Variants in ZNF385D observed in about 807,000 individuals in gnomAD.
ZNF385D encodes the protein zinc finger protein 385D.
A neutral mutation model predicts 35.8 loss-of-function variants in ZNF385D; 15 were observed. The observed-to-expected ratio is 0.42, with a 90% CI of 0.28 to 0.64. ZNF385D has a LOEUF of 0.64. ZNF385D is among the 30% of genes least tolerant of loss of function. The pLI is 0.23. For missense variants in ZNF385D, 474 were observed against 494.6 expected (o/e 0.96, Z 0.39); for synonymous variants, 212 against 186.8 (o/e 1.13, Z -1.10).
At chr3:21,982,823 T>C (rs1474559275) in intron 3 of ZNF385D, among the ~76,000 whole-genome samples, 1 of 151,656 alleles carries the variant, frequency 6.6e-6, no homozygotes, top group African/African-American at 2.4e-5. Context: ...AAAGCCTTTT[T>C]TTTTGCATCT....
intron 3 of ZNF385D, among the ~76,000 whole-genome samples, chr3:21,966,308 G>A (rs757189930): frequency 9.2e-5 from 14 of 152,116 alleles, no homozygotes; most frequent in Non-Finnish European, 1.8e-4. Flanking sequence ...AAACTGAACT[G>A]GTAGTAAATT....
intron 4 of ZNF385D, among the ~76,000 whole-genome samples, chr3:21,463,286 G>A (rs555089051): frequency 1.7e-4 from 26 of 152,148 alleles, no homozygotes; most frequent in African/African-American, 5.8e-4. Context: ...AAAAAAATAC[G>A]TTGAATATAT....
intron 3 of ZNF385D, among the ~76,000 whole-genome samples, chr3:21,859,653 C>T (rs886959727): frequency 4.9e-5 from 7 of 142,736 alleles, no homozygotes; most frequent in African/African-American, 1.8e-4. Context: ...AACATTATTG[C>T]TGGCTGTGAC....
intron 2 of ZNF385D, among the ~76,000 whole-genome samples, chr3:22,316,485 A>G (rs1575105701): frequency 6.6e-6 from 1 of 152,196 alleles, no homozygotes; most frequent in African/African-American, 2.4e-5. Context: ...GTTGAGACAA[A>G]AAAGGTAAAT....
chr3:22,028,650 T>C (rs1697717985), intron 3 of ZNF385D, among the ~76,000 whole-genome samples: 1 of 152,188 alleles, frequency 6.6e-6, no homozygotes, highest in South Asian at 2.1e-4. Context: ...AAGACTACCA[T>C]CTGTGGACTT....
chr3:22,236,768 G>C (rs890498583), intron 2 of ZNF385D, among the ~76,000 whole-genome samples: 1 of 152,084 alleles, frequency 6.6e-6, no homozygotes, highest in East Asian at 1.9e-4. Flanking sequence ...CTATAGATTG[G>C]TTTATGCTGG....
intron 2 of ZNF385D, among the ~76,000 whole-genome samples, chr3:22,275,854 G>A (rs551856477): frequency 3.9e-5 from 6 of 152,294 alleles, no homozygotes; most frequent in Non-Finnish European, 7.4e-5. Context: ...GGAGGCTGAG[G>A]CGGGTGGATA....
intron 1 of ZNF385D, among the ~76,000 whole-genome samples, chr3:21,701,204 G>C (rs1419911603): frequency 6.6e-6 from 1 of 152,192 alleles, no homozygotes; most frequent in African/African-American, 2.4e-5. Flanking sequence ...ATACCAGAAA[G>C]AGAGGTTTAA....
chr3:22,144,486 T>A (rs932477953), intron 3 of ZNF385D, among the ~76,000 whole-genome samples: 4 of 138,462 alleles, frequency 2.9e-5, no homozygotes, highest in African/African-American at 1.1e-4. Flanking sequence ...AGGCAGGAAA[T>A]TGCTTGAAGA....
At chr3:21,497,401 C>A (rs149341453) in intron 4 of ZNF385D, among the ~76,000 whole-genome samples, 1 of 151,980 alleles carries the variant, frequency 6.6e-6, no homozygotes, top group East Asian at 1.9e-4. Context: ...ATAGGTGAGA[C>A]AAACAAATGA....
At chr3:21,845,033 G>GA (rs1283404770) in intron 3 of ZNF385D, among the ~76,000 whole-genome samples, 2 of 150,114 alleles carry the variant, frequency 1.3e-5, no homozygotes, top group Non-Finnish European at 3.0e-5. Flanking sequence ...AGAAGAAAAA[G>GA]AAAAAAGAGA....
chr3:21,720,010 G>C (rs191970144), intron 1 of ZNF385D, among the ~76,000 whole-genome samples: 101 of 152,204 alleles, frequency 6.6e-4, no homozygotes, highest in Non-Finnish European at 1.2e-3. Flanking sequence ...AGTGGACCTA[G>C]AATAGTGGTT....
At chr3:21,664,671 C>T (rs749893134) in intron 2 of ZNF385D, among the ~76,000 whole-genome samples, 3 of 152,112 alleles carry the variant, frequency 2.0e-5, no homozygotes, top group Non-Finnish European at 4.4e-5. Flanking sequence ...CATGATCAAC[C>T]GAATCGGATC....
intron 3 of ZNF385D, among the ~76,000 whole-genome samples, chr3:22,010,025 C>G (rs259450): frequency 0.27 from 41,203 of 151,780 alleles, 6,582 homozygotes; most frequent in African/African-American, 0.44. Flanking sequence ...TAAACACAGT[C>G]ACTTCTGAAC....
intron 3 of ZNF385D, among the ~76,000 whole-genome samples, chr3:22,111,573 C>G (rs1702538873): frequency 6.6e-6 from 1 of 152,062 alleles, no homozygotes; most frequent in African/African-American, 2.4e-5. Context: ...TCCTAATTTA[C>G]CATCTTGGCA....
intron 7 of ZNF385D, 54 bp from the exon 8 acceptor site, chr3:21,421,501 T>A: frequency 2.2e-6 from 3 of 1,358,688 alleles, no homozygotes; most frequent in Non-Finnish European, 3.1e-6. Context: ...AATTTGTACT[T>A]AAAACCCAAA....
At chr3:21,686,154 A>G (rs1188807781) in intron 1 of ZNF385D, among the ~76,000 whole-genome samples, 2 of 152,176 alleles carry the variant, frequency 1.3e-5, no homozygotes, top group Non-Finnish European at 2.9e-5. Context: ...ACCTTTTTTT[A>G]ATGTCAGATG....
chr3:21,709,233 A>G (rs933838042), intron 1 of ZNF385D, among the ~76,000 whole-genome samples: 4 of 152,194 alleles, frequency 2.6e-5, no homozygotes, highest in African/African-American at 9.7e-5. Context: ...ACAATGATAC[A>G]CATAAATTCA....
chr3:22,204,331 G>C (rs1412170423), intron 2 of ZNF385D, among the ~76,000 whole-genome samples: 3 of 151,962 alleles, frequency 2.0e-5, no homozygotes, highest in Non-Finnish European at 2.9e-5. Context: ...TAGTGACCAA[G>C]AACTTGTATG....
Sources: allele counts gnomAD v4.1 joint callset (sites outside exome capture counted in the v4.1 genomes callset), GRCh38; gene constraint gnomAD v4.1.1; transcripts MANE v1.5; gene names NCBI Gene and HGNC (gene_info 2026-07-23, HGNC 2026-07-21).